The following OCRL variants were observed in gnomAD, a reference collection of about 807,000 sequenced individuals.
OCRL encodes the protein inositol polyphosphate 5-phosphatase OCRL.
Under a neutral mutation model 78.9 loss-of-function variants are expected in OCRL, and 8 were observed. That is an observed-to-expected ratio of 0.10 (90% CI 0.06 to 0.18). The LOEUF is 0.18. OCRL is among the 10% of genes least tolerant of loss of function. OCRL has a pLI of 1.00. For missense variants in OCRL, 454 were observed against 696.7 expected (o/e 0.65, Z 3.92); for synonymous variants, 240 against 235.4 (o/e 1.02, Z -0.18).
At chrX:129,569,605 A>G (rs1320313873) in intron 15 of OCRL, among the ~76,000 whole-genome samples, 1 of 111,369 alleles carries the variant, frequency 9.0e-6, no homozygotes, top group Non-Finnish European at 1.9e-5. Context: ...TTAGTGACAC[A>G]GATGTTTCTC....
chrX:129,541,153 T>C (rs1039449227), intron 2 of OCRL, among the ~76,000 whole-genome samples: 10 of 112,431 alleles, frequency 8.9e-5, no homozygotes, highest in African/African-American at 3.2e-4. Flanking sequence ...AACTCTTCAG[T>C]TTAATAAAAC....
chrX:129,588,047 C>T (rs1936536640), intron 20 of OCRL, 132 bp from the exon 21 acceptor site: 10 of 524,511 alleles, frequency 1.9e-5, no homozygotes, highest in Non-Finnish European at 6.9e-6. Flanking sequence ...ATTTTCACAC[C>T]TCCATTTGTA....
At chrX:129,549,948 T>C (rs1404329180) in intron 4 of OCRL, 1 of 112,262 alleles carries the variant, frequency 8.9e-6, no homozygotes, top group African/African-American at 3.2e-5. Flanking sequence ...AATCCTTTGT[T>C]ATTTCTACCC....
chrX:129,576,836 C>T (rs767440323), intron 18 of OCRL, among the ~76,000 whole-genome samples: 2 of 111,759 alleles, frequency 1.8e-5, no homozygotes, highest in South Asian at 7.5e-4. Flanking sequence ...GTTTGTTAAG[C>T]TCTTCATACT....
At chrX:129,560,959 T>C (rs1383535843) in intron 9 of OCRL, among the ~76,000 whole-genome samples, 1 of 112,035 alleles carries the variant, frequency 8.9e-6, no homozygotes. Flanking sequence ...CTGTGGGAGG[T>C]ATTTTGATTT....
chrX:129,540,812 C>T lies in OCRL; in HGVS notation c.108C>T (p.Asn36=). The change falls in exon 2 of 24, where the codon AAC becomes AAT. Residue 36 remains asparagine (N), a synonymous_variant. Transcript: ENST00000371113. Reference sequence around the variant, plus strand: ...GCGCCCTGACCCTAGCCCAGAGGAACGGGCAATATGAGTAAGTAACCACCT... The same window carrying T: ...GCGCCCTGACCCTAGCCCAGAGGAATGGGCAATATGAGTAAGTAACCACCT... The part of the protein sequence containing the change: ...EPCALTLAQR[N]GQYELIIQLH... 8.3e-7 allele frequency: 1 copy of T among 1,203,821 alleles called. No individual in the cohort carries two copies. The highest frequency in any genetic ancestry group is 1.1e-6 in the Non-Finnish European group (1 of 888,207).
At chrX:129,582,798 C>T (rs1023200837) in intron 18 of OCRL, among the ~76,000 whole-genome samples, 2 of 108,307 alleles carry the variant, frequency 1.8e-5, no homozygotes, top group African/African-American at 3.6e-5. Flanking sequence ...GCCTAATCCC[C>T]ATGGATAACA....
intron 4 of OCRL, among the ~76,000 whole-genome samples, chrX:129,552,674 C>T (rs1211758684): frequency 1.8e-5 from 2 of 112,390 alleles, no homozygotes; most frequent in Non-Finnish European, 3.8e-5. Flanking sequence ...ATCTGCCCAC[C>T]TCGGCCTTCC....
rs1394019536 is a variant in OCRL at position 129,586,984 on chromosome X, T to C, written c.2140-18T>C. On this transcript the variant is annotated intron_variant, in intron 19 of 23. Coordinates refer to ENST00000371113, the MANE Select transcript of OCRL (RefSeq NM_000276.4). ...TATTCTGAGACCCCTTTGATTCTCA[T>C]ACTTTTCCATCTATTAGGAGAAATC... The C allele has an allele frequency of 3.7e-6, 4 of 1,075,588 alleles. No individual in the cohort carries two copies. The highest frequency in any genetic ancestry group is 3.7e-5 in the South Asian group (2 of 54,162). The allele number at this position is 1,075,588 out of a possible 1,213,427, so 88.6% of individuals were successfully genotyped here.
rs1796753145 is a variant in OCRL at position 129,591,873 on chromosome X, G to A, written c.*1603G>A. ...TAGGTGTTGAACTTAGTTAATGGAAGACTGAGAGCAGAACAGGTTTGTCAT... is the reference window on the plus strand; with the variant it reads ...TAGGTGTTGAACTTAGTTAATGGAAAACTGAGAGCAGAACAGGTTTGTCAT... On this transcript the variant is annotated 3_prime_UTR_variant, in exon 24 of 24. Coordinates refer to ENST00000371113, the MANE Select transcript of OCRL (RefSeq NM_000276.4). 8.8e-6 allele frequency: 1 copy of A among 113,418 alleles called. No homozygotes were observed. Among genetic ancestry groups the A allele is most frequent in the South Asian group, 3.7e-4 (1 of 2,700 alleles). 9.3% of individuals were successfully genotyped at this position (113,418 alleles called of 1,213,427 possible).
At chrX:129,587,868 C>T (rs183139044) in intron 20 of OCRL, among the ~76,000 whole-genome samples, 1 of 109,676 alleles carries the variant, frequency 9.1e-6, no homozygotes, top group East Asian at 2.9e-4. Context: ...AACCCCATCT[C>T]TATAAAAAAA....
chrX:129,562,326 G>A (rs1936156514), intron 10 of OCRL, 58 bp from the exon 11 acceptor site: 4 of 896,058 alleles, frequency 4.5e-6, no homozygotes, highest in Non-Finnish European at 6.6e-6. Flanking sequence ...TGGGACATTA[G>A]AAATGTGGCA....
At position 129,590,532 on chromosome X, in the gene OCRL, T is replaced by G. The variant is rs919966650; in HGVS notation, c.*262T>G. On this transcript the variant is annotated 3_prime_UTR_variant, in exon 24 of 24. Transcript: ENST00000371113. ...TTTATAAGGCAAAAAGATCTGTATTTACACTCCTTCACCTAGGGATGTGTT... is the reference window on the plus strand; with the variant it reads ...TTTATAAGGCAAAAAGATCTGTATTGACACTCCTTCACCTAGGGATGTGTT... 1 of 344,879 alleles carries G rather than the reference T, an allele frequency of 2.9e-6. No homozygotes were observed. The highest frequency in any genetic ancestry group is 2.6e-5 in the African/African-American group (1 of 38,014). The allele number at this position is 344,879 out of a possible 1,213,427, so 28.4% of individuals were successfully genotyped here. A position where few individuals can be genotyped will look rare whatever the true frequency, so the allele number is the denominator to read the frequency against.
At chrX:129,561,058 A>G in intron 9 of OCRL, 121 bp from the exon 10 acceptor site, 2 of 540,763 alleles carry the variant, frequency 3.7e-6, no homozygotes, top group Non-Finnish European at 6.7e-6. Context: ...TGAACAGAGC[A>G]GTTCTATAAA....
chrX:129,578,988 A>T (rs188866681), intron 18 of OCRL, among the ~76,000 whole-genome samples: 319 of 111,601 alleles, frequency 2.9e-3, no homozygotes, highest in Non-Finnish European at 4.9e-3. Context: ...CAGGTTGATT[A>T]TCCATTATCC....
chrX:129,590,269 A>G lies in OCRL; in HGVS notation c.2705A>G (p.Ter902=). The G allele has an allele frequency of 8.3e-7, 1 of 1,211,103 alleles. No individual in the cohort carries two copies. Among genetic ancestry groups the G allele is most frequent in the Non-Finnish European group, 1.1e-6 (1 of 895,233 alleles). ...LGFLLGSEED[*] is the part of the protein sequence containing the mutation. Reference sequence around the variant, plus strand: ...TTTCTGCTTGGGAGCGAAGAAGACTAAGGCTTTTACTGTTCTCTGATATTC... The same window carrying G: ...TTTCTGCTTGGGAGCGAAGAAGACTGAGGCTTTTACTGTTCTCTGATATTC... Residue 902 remains the stop codon, a stop_retained_variant, in exon 24 of 24, where the codon TAA becomes TGA. Transcript: ENST00000371113.
At chrX:129,552,997 G>T (rs763147383) in intron 4 of OCRL, among the ~76,000 whole-genome samples, 1 of 112,296 alleles carries the variant, frequency 8.9e-6, no homozygotes, top group Non-Finnish European at 1.9e-5. Flanking sequence ...TGGACAGCAC[G>T]GTTTAGAGCA....
chrX:129,540,516 G>A, intron 1 of OCRL, 38 bp downstream of exon 1: 1 of 1,135,160 alleles, frequency 8.8e-7, no homozygotes, highest in African/African-American at 1.8e-5. Context: ...AGGCCGCGCA[G>A]GGCCGGGGGT....
In OCRL at chrX:129,558,734, C is replaced by A; in HGVS notation, c.541C>A (p.Pro181Thr). 8.2e-7 allele frequency: 1 copy of A among 1,212,147 alleles called. No homozygotes were observed. Among genetic ancestry groups the A allele is most frequent in the Non-Finnish European group, 1.1e-6 (1 of 895,455 alleles). Residue 181 changes from proline (P) to threonine (T), a missense_variant, in exon 7 of 24, where the codon CCC (proline) becomes ACC (threonine). Pro to Thr is a conservative substitution (Grantham distance 38). Transcript: ENST00000371113. ...TGIHREPPPPPFSVNKMLPRE... is the reference protein window; with the variant it reads ...TGIHREPPPPTFSVNKMLPRE... ...GATTCATCGGGAACCCCCACCTCCACCCTTTTCAGTGAATAAAATGTAAGT... is the reference window on the plus strand; with the variant it reads ...GATTCATCGGGAACCCCCACCTCCAACCTTTTCAGTGAATAAAATGTAAGT...
Sources: gnomAD v4.1 joint callset for allele counts (sites outside exome capture counted in the v4.1 genomes callset) on GRCh38, gnomAD v4.1.1 for gene constraint, MANE v1.5 for transcripts, NCBI Gene and HGNC (gene_info 2026-07-23, HGNC 2026-07-21) for gene names.